SAMD11: variants seen among roughly 807,000 people sequenced by gnomAD.
The protein encoded by SAMD11 is sterile alpha motif domain-containing protein 11.
Under a neutral mutation model 64.4 loss-of-function variants are expected in SAMD11, and 77 were observed. The observed-to-expected ratio is 1.20, with a 90% confidence interval of 0.99 to 1.44. SAMD11 has a LOEUF of 1.44. Among genes scored for constraint, SAMD11 ranks in the 40% most tolerant of loss-of-function variants. The probability of loss-of-function intolerance (pLI) is 0.00; values close to 1 mark genes in which losing one functional copy is unlikely to be tolerated. For missense variants in SAMD11, 1,402 were observed against 943.3 expected (o/e 1.49, Z -6.37); for synonymous variants, 658 against 421.9 (o/e 1.56, Z -6.86).
At chr1:936,020 C>G in intron 5 of SAMD11, 124 bp downstream of exon 5, 3 of 1,001,736 alleles carry the variant, frequency 3.0e-6, no homozygotes, top group Non-Finnish European at 2.9e-6. Context: ...GCCTGTCCCC[C>G]AGGGGCTGCA....
In SAMD11 at chr1:943,751, G is replaced by C; in HGVS notation, c.2232G>C (p.Glu744Asp). ...AGACCCTGCCACTGCTGACGGAGGAGCACCTGCTGACCAACATGGGGCTGA... is the reference window on the plus strand; with the variant it reads ...AGACCCTGCCACTGCTGACGGAGGACCACCTGCTGACCAACATGGGGCTGA... ...DGETLPLLTEEHLLTNMGLKL... is the reference protein window; with the variant it reads ...DGETLPLLTEDHLLTNMGLKL... Residue 744 changes from glutamate to aspartate, a missense_variant, in exon 13 of 14, where the codon GAG becomes GAC. Physicochemically the swap from Glu to Asp is conservative, Grantham distance 45. Coordinates refer to ENST00000616016, the MANE Select transcript of SAMD11 (RefSeq NM_001385641.1). 6.2e-7 allele frequency: 1 copy of C among 1,610,440 alleles called. No homozygotes were observed. The highest frequency in any genetic ancestry group is 1.1e-5 in the South Asian group (1 of 90,960).
intron 4 of SAMD11, among the ~76,000 whole-genome samples, chr1:931,846 C>T (rs1343227769): frequency 6.6e-6 from 1 of 152,164 alleles, no homozygotes; most frequent in Non-Finnish European, 1.5e-5. Context: ...GTTGGGGGAC[C>T]CGAGTTCCTG....
intron 11 of SAMD11, 77 bp downstream of exon 11, chr1:943,135 G>A: frequency 1.9e-6 from 3 of 1,573,762 alleles, no homozygotes. Context: ...CTTGGGGGGA[G>A]GAAAAATTCC....
At position 930,157 on chromosome 1, in the gene SAMD11, C is replaced by T; in HGVS notation, c.612C>T (p.Asn204=). 6.4e-7 allele frequency: 1 copy of T among 1,554,564 alleles called. No individual in the cohort carries two copies. Among genetic ancestry groups the T allele is most frequent in the Non-Finnish European group, 8.7e-7 (1 of 1,149,288 alleles). ...CPGCRISSPV[N]RGRLADKRTV... The stretch of plus-strand genomic sequence containing the variant: ...TTCCTCTCCTCCTGCCCCACCAGAA[C>T]CGGGGGCGGCTGGCAGACAAGAGGA... Residue 204 remains asparagine, a splice_region_variant and synonymous_variant, in exon 3 of 14, where the codon AAC becomes AAT. Coordinates refer to ENST00000616016, the MANE Select transcript of SAMD11 (RefSeq NM_001385641.1).
At position 942,395 on chromosome 1, in the gene SAMD11, C is replaced by T. The variant is rs756313467; in HGVS notation, c.1475-15C>T. On this transcript the variant is annotated splice_polypyrimidine_tract_variant and intron_variant, in intron 9 of 13. Transcript: ENST00000616016. ...CTCGGACCCCCCGACCCCGCGTTGT[C>T]CCCCTCCCCACCAGGCTACGGCTTC... The T allele has an allele frequency of 1.3e-4, 176 of 1,361,556 alleles. No homozygotes were observed. Among genetic ancestry groups the T allele is most frequent in the Admixed American group, 2.4e-4 (10 of 40,886 alleles). The allele number at this position is 1,361,556 out of a possible 1,614,324, so 84.3% of individuals were successfully genotyped here.
chr1:925,568 G>T (rs1640842014), intron 1 of SAMD11, among the ~76,000 whole-genome samples: 1 of 152,144 alleles, frequency 6.6e-6, no homozygotes, highest in East Asian at 1.9e-4. Context: ...CGCGCAGGCC[G>T]AGGGTCCCGA....
intron 12 of SAMD11, 149 bp downstream of exon 12, chr1:943,526 CTTTTTT>C (rs56972694): frequency 0.013 from 6,959 of 536,626 alleles, 1 homozygote; most frequent in South Asian, 0.023. Context: ...TGCACCCCAC[CTTTTTT>C]TTTTTTTTTT....
intron 8 of SAMD11, 86 bp downstream of exon 8, chr1:941,392 G>A (rs2100352810): frequency 3.0e-6 from 4 of 1,319,688 alleles, no homozygotes; most frequent in Middle Eastern, 5.3e-4. Context: ...CGCCCCGAGA[G>A]TGCCAAGCAC....
chr1:938,153 A>G (rs1044547785), intron 5 of SAMD11, among the ~76,000 whole-genome samples: 2 of 152,120 alleles, frequency 1.3e-5, no homozygotes, highest in Non-Finnish European at 2.9e-5. Context: ...GGAGATGGGT[A>G]CATGGATGGT....
At position 943,974 on chromosome 1, in the gene SAMD11, C is replaced by G. The variant is rs146050035; in HGVS notation, c.2356C>G (p.Pro786Ala). 1.7e-5 allele frequency: 28 copies of G among 1,612,716 alleles called. No individual in the cohort carries two copies. The highest frequency in any genetic ancestry group is 2.3e-5 in the Non-Finnish European group (27 of 1,179,990). ...SFPVALPLQP[P>A]TLRAPERELG... ...CCCCGTGGCTCTGCCACTGCAGCCA[C>G]CAACCCTGCGGGCCCCGGAGCGAGA... Residue 786 changes from proline (P) to alanine (A), a missense_variant, in exon 14 of 14, where the codon CCA becomes GCA. Pro to Ala is a conservative substitution (Grantham distance 27). Coordinates refer to ENST00000616016, the MANE Select transcript of SAMD11 (RefSeq NM_001385641.1).
chr1:941,619 G>A (rs1030999393), intron 8 of SAMD11, among the ~76,000 whole-genome samples: 1 of 152,144 alleles, frequency 6.6e-6, no homozygotes, highest in East Asian at 1.9e-4. Context: ...GAGGCGGAGG[G>A]GGGGTCCTGG....
In SAMD11 at chr1:938,132, C is replaced by T. The variant is rs573644030; in HGVS notation, c.968-908C>T. Among the ~76,000 whole-genome samples the T allele has an allele frequency of 1.5e-3, 230 of 152,024 alleles. 2 individuals carry two copies. The highest frequency in any genetic ancestry group is 5.2e-3 in the African/African-American group (217 of 41,514). On this transcript the variant is annotated intron_variant, in intron 5 of 13. Transcript: ENST00000616016. ...TGGAGTCAGGGGCTTCGGAGGAGCT[C>T]GGGGTGGGTCGGAGATGGGTACATG...
Position 930,227 on chromosome 1 carries a change from C to T in SAMD11, c.682C>T (p.Pro228Ser). 1 of 1,592,944 alleles carries T rather than the reference C, an allele frequency of 6.3e-7. No individual in the cohort carries two copies. Among genetic ancestry groups the T allele is most frequent in the Non-Finnish European group, 8.5e-7 (1 of 1,170,210 alleles). ...CCGGAACCTGAAGAAGGAGCGAACT[C>T]CCAGCTTCTCTGCCAGCGATGGTGA... Reference protein sequence around the residue: ...AARNLKKERTPSFSASDGDSD... With the variant: ...AARNLKKERTSSFSASDGDSD... The change falls in exon 3 of 14, where the codon CCC becomes TCC. Residue 228 changes from proline (P) to serine (S), a missense_variant. Transcript: ENST00000616016.
At chr1:935,928 C>T (rs777510085) in intron 5 of SAMD11, 32 bp downstream of exon 5, 32 of 1,603,534 alleles carry the variant, frequency 2.0e-5, no homozygotes, top group Middle Eastern at 1.8e-4. Flanking sequence ...AGGGCGGGGT[C>T]GGGGCTGTGG....
intron 7 of SAMD11, chr1:940,516 G>C (rs966691512): frequency 6.6e-6 from 1 of 152,296 alleles, no homozygotes. Context: ...CTGCATAGTG[G>C]GGGCTGCGGG....
Position 942,475 on chromosome 1 carries a change from C to A in SAMD11, c.1540C>A (p.Gln514Lys), listed in dbSNP as rs1177349298. The change falls in exon 10 of 14, where the codon CAG becomes AAG. Residue 514 changes from glutamine to lysine, a missense_variant. Transcript: ENST00000616016. Reference protein sequence around the residue: ...FAWQQELLRKQNLARLELPAD... With the variant: ...FAWQQELLRKKNLARLELPAD... ...CTGGCAGCAGGAGCTCCTGCGGAAG[C>A]AGAACCTGGCCCGGTAGGTGCGGGG... 163 of 1,487,468 alleles carry A rather than the reference C, an allele frequency of 1.1e-4. No individual in the cohort carries two copies. The highest frequency in any genetic ancestry group is 1.4e-4 in the Non-Finnish European group (158 of 1,125,418). 92.1% of individuals were successfully genotyped at this position (1,487,468 alleles called of 1,614,324 possible). A position where few individuals can be genotyped will look rare whatever the true frequency, so the allele number is the denominator to read the frequency against.
chr1:935,874 G>A lies in SAMD11; in HGVS notation c.945G>A (p.Leu315=). The change falls in exon 5 of 14, where the codon CTG becomes CTA. Residue 315 remains leucine, a synonymous_variant. Transcript: ENST00000616016. ...GCTGTGAATTCCAGAGAGGCAGCCT[G>A]GAGATTGGCCTGCGACCCGCCGGTG... The part of the protein sequence containing the change: ...QSRCEFQRGS[L]EIGLRPAGDL... 1.2e-6 allele frequency: 2 copies of A among 1,612,892 alleles called. No homozygotes were observed. The highest frequency in any genetic ancestry group is 2.2e-5 in the East Asian group (1 of 44,874).
chr1:938,978 C>T, intron 5 of SAMD11, 62 bp from the exon 6 acceptor site: 1 of 1,423,074 alleles, frequency 7.0e-7, no homozygotes, highest in Non-Finnish European at 9.7e-7. Context: ...TGAGCTGGAG[C>T]AGGGGCTGGG....
At position 942,143 on chromosome 1, in the gene SAMD11, C is replaced by G. The variant is rs200195897; in HGVS notation, c.1366C>G (p.Pro456Ala). Reference sequence around the variant, plus strand: ...TTGCGCTGCCGTCCACAGGGAGCTGCCTCAGCCGCCCCCCTTGCTGTCGCC... The same window carrying G: ...TTGCGCTGCCGTCCACAGGGAGCTGGCTCAGCCGCCCCCCTTGCTGTCGCC... Reference protein sequence around the residue: ...AAPSFSERELPQPPPLLSPQN... With the variant: ...AAPSFSERELAQPPPLLSPQN... The change falls in exon 9 of 14, where the codon CCT becomes GCT. Residue 456 changes from proline (P) to alanine (A), a missense_variant. Coordinates refer to ENST00000616016, the MANE Select transcript of SAMD11 (RefSeq NM_001385641.1). 8.3e-4 allele frequency: 1,134 copies of G among 1,361,744 alleles called. 1 individual carries two copies. The highest frequency in any genetic ancestry group is 1.1e-3 in the Non-Finnish European group (1,086 of 1,021,168). 84.4% of individuals were successfully genotyped at this position (1,361,744 alleles called of 1,614,324 possible). A position where few individuals can be genotyped will look rare whatever the true frequency, so the allele number is the denominator to read the frequency against.
Sources: gnomAD v4.1 joint callset for allele counts (sites outside exome capture counted in the v4.1 genomes callset) on GRCh38, gnomAD v4.1.1 for gene constraint, MANE v1.5 for transcripts, NCBI Gene and HGNC (gene_info 2026-07-23, HGNC 2026-07-21) for gene names.